Variants in LRP1B observed in about 807,000 individuals in gnomAD.
The protein encoded by LRP1B is low-density lipoprotein receptor-related protein 1B.
Under a neutral mutation model 556.6 loss-of-function variants are expected in LRP1B, and 217 were observed. The ratio of observed to expected loss-of-function variants is 0.39; its 90% CI spans 0.35 to 0.44. The LOEUF (loss-of-function observed/expected upper bound fraction) is 0.44. Among genes scored for constraint, LRP1B ranks in the 20% least tolerant of loss-of-function variants. The pLI, the probability that LRP1B is intolerant of heterozygous loss-of-function variation, is 1.00. For synonymous variants in LRP1B, 2,047 were observed against 1,865.8 expected (o/e 1.10, Z -2.50); for missense variants, 5,053 against 5,620.8 (o/e 0.90, Z 3.23).
At chr2:140,844,336 T>C (rs1692210623) in intron 29 of LRP1B, among the ~76,000 whole-genome samples, 1 of 152,196 alleles carries the variant, frequency 6.6e-6, no homozygotes, top group African/African-American at 2.4e-5. Context: ...AGTGCTGGGA[T>C]TACAGGCATG....
intron 3 of LRP1B, among the ~76,000 whole-genome samples, chr2:141,356,421 T>G (rs961529430): frequency 5.9e-5 from 9 of 151,978 alleles, no homozygotes; most frequent in Non-Finnish European, 2.9e-5. Flanking sequence ...AATTTCTGAA[T>G]AGAGGAAAAG....
intron 3 of LRP1B, among the ~76,000 whole-genome samples, chr2:141,420,022 G>T (rs538767870): frequency 6.6e-6 from 1 of 152,086 alleles, no homozygotes; most frequent in South Asian, 2.1e-4. Flanking sequence ...TGTTTGTCAG[G>T]TACATTTTAT....
At position 141,593,405 on chromosome 2, in the gene LRP1B, A is replaced by G. The variant is rs533257562; in HGVS notation, c.206-112872T>C. 4.6e-5 allele frequency among the ~76,000 whole-genome samples: 7 copies of G among 152,272 alleles called. No homozygotes were observed. In the East Asian group the frequency reaches 9.7e-4, roughly 21 times the overall value. ...CTAGTTTTTATATCTGTCACAAGTG[A>G]GGTATACTGAATACTTTTTTTCTTA... On this transcript the variant is annotated intron_variant, in intron 2 of 90. Coordinates refer to ENST00000389484, the MANE Select transcript of LRP1B (RefSeq NM_018557.3).
In LRP1B at chr2:140,861,175, G is replaced by C. The variant is rs193239708; in HGVS notation, c.4579+6415C>G. On this transcript the variant is annotated intron_variant, in intron 27 of 90. Transcript: ENST00000389484. ...TAATCCCAGAACTTTGGGAAGCCGA[G>C]GAGGGCAGATCACCTGAGGTCAGGA... 3.3e-5 allele frequency among the ~76,000 whole-genome samples: 5 copies of C among 152,284 alleles called. No homozygotes were observed. The East Asian group carries it at 9.7e-4, about 29-fold the overall frequency.
At position 142,045,213 on chromosome 2, in the gene LRP1B, T is replaced by C. The variant is rs182494766; in HGVS notation, c.82+85435A>G. ...GTAAGCAGGAATAGAACAGTCCCAG[T>C]ATTGTACCATTCCCACAGTGCTTCA... On this transcript the variant is annotated intron_variant, in intron 1 of 90. Coordinates refer to ENST00000389484, the MANE Select transcript of LRP1B (RefSeq NM_018557.3). 6.6e-5 allele frequency among the ~76,000 whole-genome samples: 10 copies of C among 151,424 alleles called. No homozygotes were observed. The East Asian group carries it at 2.0e-3, about 30-fold the overall frequency.
intron 83 of LRP1B, among the ~76,000 whole-genome samples, chr2:140,307,680 T>C (rs992440890): frequency 2.0e-5 from 3 of 151,898 alleles, no homozygotes; most frequent in African/African-American, 7.2e-5. Context: ...GTACCTCCAG[T>C]AAATGGACCT....
chr2:141,282,547 A>G (rs1235093900), intron 3 of LRP1B, among the ~76,000 whole-genome samples: 1 of 149,228 alleles, frequency 6.7e-6, no homozygotes, highest in African/African-American at 2.4e-5. Flanking sequence ...AGGAGAGAAT[A>G]TACATATACA....
chr2:140,268,466 T>C lies in LRP1B; in HGVS notation c.13247+1776A>G, dbSNP rs149885971. ...ATAGTAGCATTTTGGTAATAAAATATCTGAATTTTAATACAACTGTGCTTT... is the reference window on the plus strand; with the variant it reads ...ATAGTAGCATTTTGGTAATAAAATACCTGAATTTTAATACAACTGTGCTTT... On this transcript the variant is annotated intron_variant, in intron 86 of 90. Transcript: ENST00000389484. Among the ~76,000 whole-genome samples, 398 of 152,122 alleles carry C rather than the reference T, an allele frequency of 2.6e-3. 3 individuals carry two copies. Among genetic ancestry groups the C allele is most frequent in the African/African-American group, 9.1e-3 (379 of 41,522 alleles).
intron 11 of LRP1B, among the ~76,000 whole-genome samples, chr2:141,042,295 GA>G (rs556280158): frequency 1.3e-5 from 2 of 150,956 alleles, no homozygotes; most frequent in Middle Eastern, 3.2e-3. Flanking sequence ...ATTGTTAAGA[GA>G]AAAAAAAATG....
intron 41 of LRP1B, among the ~76,000 whole-genome samples, chr2:140,617,632 CAGT>C (rs1683304753): frequency 1.3e-5 from 2 of 151,884 alleles, no homozygotes; most frequent in Non-Finnish European, 2.9e-5. Flanking sequence ...GATATATCAG[CAGT>C]ACTCTGCCTT....
At chr2:140,487,550 A>AT in intron 58 of LRP1B, 67 bp downstream of exon 58, 1 of 1,461,498 alleles carries the variant, frequency 6.8e-7, no homozygotes, top group Non-Finnish European at 9.5e-7. Context: ...ATAAAATAAC[A>AT]TTTTCTATAC....
intron 3 of LRP1B, among the ~76,000 whole-genome samples, chr2:141,293,007 C>T (rs934186550): frequency 7.9e-5 from 12 of 152,154 alleles, no homozygotes; most frequent in South Asian, 6.2e-4. Flanking sequence ...GGATATTCTA[C>T]GTACTATCTT....
chr2:141,756,524 C>T (rs1355656948), intron 2 of LRP1B, among the ~76,000 whole-genome samples: 4 of 145,842 alleles, frequency 2.7e-5, no homozygotes, highest in Admixed American at 1.4e-4. Flanking sequence ...ACTCTTAAAT[C>T]ATGATTAAAT....
At chr2:140,831,992 G>A (rs906211556) in intron 31 of LRP1B, among the ~76,000 whole-genome samples, 3 of 152,128 alleles carry the variant, frequency 2.0e-5, no homozygotes, top group Admixed American at 1.3e-4. Context: ...CAGTTGGAAT[G>A]GTTATTATCA....
intron 7 of LRP1B, among the ~76,000 whole-genome samples, chr2:141,119,984 AG>A (rs1701005123): frequency 6.6e-6 from 1 of 151,914 alleles, no homozygotes; most frequent in Non-Finnish European, 1.5e-5. Context: ...GAGGAAAAAA[AG>A]TTTTATTTTG....
chr2:140,367,231 G>A (rs1420648765), intron 71 of LRP1B, among the ~76,000 whole-genome samples: 2 of 151,786 alleles, frequency 1.3e-5, no homozygotes, highest in East Asian at 1.9e-4. Context: ...AACCTGGTAT[G>A]ATTAATGGCA....
chr2:141,026,710 TA>T (rs1272757631), intron 11 of LRP1B, among the ~76,000 whole-genome samples: 1 of 152,028 alleles, frequency 6.6e-6, no homozygotes, highest in African/African-American at 2.4e-5. Flanking sequence ...CATCTTTCCA[TA>T]AATATCTAAG....
chr2:141,505,419 A>G (rs1559110031), intron 2 of LRP1B, among the ~76,000 whole-genome samples: 1 of 152,096 alleles, frequency 6.6e-6, no homozygotes, highest in African/African-American at 2.4e-5. Flanking sequence ...TTGCTGTAAC[A>G]GTATGTATAC....
intron 1 of LRP1B, among the ~76,000 whole-genome samples, chr2:141,942,454 C>G (rs1292216676): frequency 1.3e-5 from 2 of 151,906 alleles, no homozygotes; most frequent in Non-Finnish European, 2.9e-5. Context: ...CCCTGAAACA[C>G]AGTGCTGTTC....
Sources: gnomAD v4.1 joint callset for allele counts (sites outside exome capture counted in the v4.1 genomes callset) on GRCh38, gnomAD v4.1.1 for gene constraint, MANE v1.5 for transcripts, NCBI Gene and HGNC (gene_info 2026-07-23, HGNC 2026-07-21) for gene names.